Variants in ANKRD30BL observed in about 807,000 individuals in gnomAD.
ANKRD30BL encodes the protein ankyrin repeat domain 30B like.
In ANKRD30BL, 20 loss-of-function variants were observed where a neutral mutation model predicts 18.4. The observed-to-expected ratio is 1.09, with a 90% CI of 0.77 to 1.58. The LOEUF is 1.58. Ranked by LOEUF, ANKRD30BL falls within the 40% of genes most tolerant of loss-of-function variation. The probability of loss-of-function intolerance (pLI) is 0.00; values close to 1 mark genes in which losing one functional copy is unlikely to be tolerated. For missense variants in ANKRD30BL, 224 were observed against 268.6 expected, an observed-to-expected ratio of 0.83 and a Z score of 1.16; for synonymous variants, 72 against 100.9, an observed-to-expected ratio of 0.71 and a Z score of 1.72.
chr2:132,172,944 G>A (rs1688307027), intron 1 of ANKRD30BL, among the ~76,000 whole-genome samples: 1 of 152,144 alleles, frequency 6.6e-6, no homozygotes, highest in South Asian at 2.1e-4. Context: ...CTGATCTTGT[G>A]ATCCACCCAC....
At chr2:132,211,972 A>G (rs1287833015) in intron 1 of ANKRD30BL, among the ~76,000 whole-genome samples, 1 of 152,152 alleles carries the variant, frequency 6.6e-6, no homozygotes, top group Non-Finnish European at 1.5e-5. Context: ...TTCATCTCAC[A>G]GAGTTCAAAC....
upstream of ANKRD30BL, among the ~76,000 whole-genome samples, chr2:132,165,636 T>A (rs1688175940): frequency 6.6e-6 from 1 of 151,872 alleles, no homozygotes; most frequent in Admixed American, 6.6e-5. Flanking sequence ...GCAGGAGAAT[T>A]GTTTGAACCC....
At chr2:132,241,417 A>G (rs1680319558) in intron 1 of ANKRD30BL, among the ~76,000 whole-genome samples, 1 of 151,886 alleles carries the variant, frequency 6.6e-6, no homozygotes, top group South Asian at 2.1e-4. Context: ...ACAGAGTTGA[A>G]CCTTCCCTTT....
chr2:132,205,167 G>A (rs1464903469), intron 1 of ANKRD30BL, among the ~76,000 whole-genome samples: 6 of 152,050 alleles, frequency 3.9e-5, no homozygotes, highest in South Asian at 2.1e-4. Context: ...TTTTCTAAGC[G>A]TATCATAGAA....
chr2:132,205,330 G>C (rs10206495), intron 1 of ANKRD30BL, among the ~76,000 whole-genome samples: 3,007 of 150,756 alleles, frequency 0.02, 100 homozygotes, highest in African/African-American at 0.071. Context: ...GAAAGCATGG[G>C]CTGGGCATTG....
intron 1 of ANKRD30BL, among the ~76,000 whole-genome samples, chr2:132,223,092 G>T (rs563845420): frequency 6.6e-6 from 1 of 151,972 alleles, no homozygotes; most frequent in Non-Finnish European, 1.5e-5. Flanking sequence ...TGAGGCCTTC[G>T]TTGGAAACGG....
rs1680384366 is a variant in ANKRD30BL, at chr2:132,243,076, A to C, written n.441+14453T>G. On this transcript the variant is annotated intron_variant and non_coding_transcript_variant, in intron 1 of 4. Coordinates refer to the ANKRD30BL transcript ENST00000470729. ...TCTTCACATAAAACTAGACAGAGGC[A>C]TTCTCAGAAACTTATTTCTGGTGTG... Among the ~76,000 whole-genome samples, 5 of 151,900 alleles carry C rather than the reference A, an allele frequency of 3.3e-5. No homozygotes were observed. The South Asian group carries it at 1.0e-3, about 32-fold the overall frequency.
At position 132,220,394 on chromosome 2, in the gene ANKRD30BL, C is replaced by T. The variant is rs549033720; in HGVS notation, n.441+37135G>A. Among the ~76,000 whole-genome samples, 876 of 146,032 alleles carry T rather than the reference C, an allele frequency of 6.0e-3. 16 individuals are homozygous for T. The highest frequency in any genetic ancestry group is 0.021 in the African/African-American group (795 of 38,622). ...TCCCTCTCCCCACGGTCTCCTTCCACGGTCTCCCTCTGATGCCGAGCCAAA... is the reference window on the plus strand; with the variant it reads ...TCCCTCTCCCCACGGTCTCCTTCCATGGTCTCCCTCTGATGCCGAGCCAAA... On this transcript the variant is annotated intron_variant and non_coding_transcript_variant, in intron 1 of 4. Coordinates refer to the ANKRD30BL transcript ENST00000470729.
At chr2:132,232,351 C>G (rs974919995) in intron 1 of ANKRD30BL, among the ~76,000 whole-genome samples, 1 of 152,160 alleles carries the variant, frequency 6.6e-6, no homozygotes, top group African/African-American at 2.4e-5. Context: ...CTTTGACGAG[C>G]TGAGAGAAGA....
upstream of ANKRD30BL, among the ~76,000 whole-genome samples, chr2:132,166,777 A>G (rs1179203342): frequency 2.0e-5 from 3 of 151,376 alleles, no homozygotes; most frequent in Non-Finnish European, 4.4e-5. Flanking sequence ...GATTTTCTCT[A>G]TTGTTTTCCT....
intron 1 of ANKRD30BL, among the ~76,000 whole-genome samples, chr2:132,234,159 C>A (rs953306672): frequency 2.0e-5 from 3 of 152,048 alleles, no homozygotes; most frequent in Non-Finnish European, 2.9e-5. Flanking sequence ...ACACAACATA[C>A]CAGAATCTCT....
chr2:132,159,335 T>C (rs1379946577), intron 1 of ANKRD30BL, among the ~76,000 whole-genome samples: 1 of 152,130 alleles, frequency 6.6e-6, no homozygotes, highest in Non-Finnish European at 1.5e-5. Context: ...CACCAAATTG[T>C]CTATTTGAAA....
chr2:132,256,321 T>A (rs1024598248), intron 1 of ANKRD30BL, among the ~76,000 whole-genome samples: 1 of 16,928 alleles, frequency 5.9e-5, no homozygotes, highest in African/African-American at 2.1e-4. Flanking sequence ...GGGAGGGGGG[T>A]GGTGGGGCGG....
chr2:132,213,749 CTG>C (rs1397184787), intron 1 of ANKRD30BL, among the ~76,000 whole-genome samples: 26 of 152,084 alleles, frequency 1.7e-4, no homozygotes, highest in Admixed American at 5.9e-4. Context: ...TTTTGAAACA[CTG>C]TTTTTGTAGA....
chr2:132,170,932 G>A (rs1452629376), intron 1 of ANKRD30BL, among the ~76,000 whole-genome samples: 2 of 152,136 alleles, frequency 1.3e-5, no homozygotes, highest in Non-Finnish European at 2.9e-5. Flanking sequence ...CGAGGCGGGC[G>A]GATCACGTGG....
chr2:132,162,818 C>A (rs1378918904), upstream of ANKRD30BL, among the ~76,000 whole-genome samples: 5 of 152,246 alleles, frequency 3.3e-5, no homozygotes, highest in African/African-American at 1.2e-4. Flanking sequence ...CGCCAGGATG[C>A]GGCTGAGCAG....
At chr2:132,238,792 A>G (rs1573878330) in intron 1 of ANKRD30BL, among the ~76,000 whole-genome samples, 1 of 151,992 alleles carries the variant, frequency 6.6e-6, no homozygotes, top group Admixed American at 6.6e-5. Context: ...GAATATTTTC[A>G]TATAAAAACT....
intron 1 of ANKRD30BL, among the ~76,000 whole-genome samples, chr2:132,208,946 T>C (rs1679264551): frequency 6.6e-6 from 1 of 152,066 alleles, no homozygotes; most frequent in Non-Finnish European, 1.5e-5. Context: ...AATACTCTTT[T>C]TGTAGTGTCT....
intron 1 of ANKRD30BL, among the ~76,000 whole-genome samples, chr2:132,182,483 A>G (rs1688486170): frequency 7.0e-6 from 1 of 143,250 alleles, no homozygotes; most frequent in African/African-American, 2.6e-5. Flanking sequence ...TCCATCTCAG[A>G]AAAAAAAAAA....
Sources: gnomAD v4.1 joint callset for allele counts (sites outside exome capture counted in the v4.1 genomes callset) on GRCh38, gnomAD v4.1.1 for gene constraint, MANE v1.5 for transcripts, NCBI Gene and HGNC (gene_info 2026-07-23, HGNC 2026-07-21) for gene names.